Variants in ARL15 observed in about 807,000 individuals in gnomAD.
ARL15 encodes ADP-ribosylation factor-like protein 15.
In ARL15, 19 loss-of-function variants were observed where a neutral mutation model predicts 25.2. The observed-to-expected ratio is 0.75, with a 90% CI of 0.53 to 1.10. The LOEUF (loss-of-function observed/expected upper bound fraction) is 1.10, where lower values mean the gene tolerates loss of function less well. ARL15 is among the 50% of genes least tolerant of loss of function. ARL15 has a pLI of 0.00. For synonymous variants in ARL15, 94 were observed against 86.8 expected (o/e 1.08, Z -0.46); for missense variants, 220 against 246.0 (o/e 0.89, Z 0.71).
chr5:54,099,724 G>A (rs1378610104), intron 4 of ARL15, among the ~76,000 whole-genome samples: 1 of 152,130 alleles, frequency 6.6e-6, no homozygotes, highest in Non-Finnish European at 1.5e-5. Context: ...GGAGGGGGAA[G>A]AAAGCAGGGA....
intron 1 of ARL15, among the ~76,000 whole-genome samples, chr5:54,273,477 A>C (rs1481018010): frequency 6.6e-6 from 1 of 152,200 alleles, no homozygotes; most frequent in Non-Finnish European, 1.5e-5. Context: ...CTCTTCAAAA[A>C]TGTCAAGGAC....
intron 4 of ARL15, among the ~76,000 whole-genome samples, chr5:54,034,661 C>CA (rs537088562): frequency 6.1e-4 from 92 of 150,030 alleles, no homozygotes; most frequent in Non-Finnish European, 5.2e-4. Flanking sequence ...CACTTAAAAA[C>CA]AAAAAAAAAG....
At chr5:54,063,205 G>A (rs192197120) in intron 4 of ARL15, among the ~76,000 whole-genome samples, 45 of 152,312 alleles carry the variant, frequency 3.0e-4, no homozygotes, top group African/African-American at 1.0e-3. Flanking sequence ...CGTGTCTTCC[G>A]AGTACAACTG....
chr5:54,208,373 G>GA (rs1755930996), intron 1 of ARL15, among the ~76,000 whole-genome samples: 1 of 151,954 alleles, frequency 6.6e-6, no homozygotes, highest in East Asian at 1.9e-4. Flanking sequence ...ACAATGAGAT[G>GA]AAAATCTAAT....
rs142920466 is a variant in ARL15 at position 54,194,623 on chromosome 5, C to T, written c.49-22695G>A. On this transcript the variant is annotated intron_variant, in intron 1 of 4. Coordinates refer to ENST00000504924, the MANE Select transcript of ARL15 (RefSeq NM_019087.3). The stretch of plus-strand genomic sequence containing the variant: ...ACCTAATATGAAAAATCTAATCTCA[C>T]CCTAATAAAAATCTTAGACCTGGCA... Among the ~76,000 whole-genome samples the T allele has an allele frequency of 3.5e-4, 54 of 152,216 alleles. No individual in the cohort carries two copies. In the East Asian group the frequency reaches 9.3e-3, roughly 26 times the overall value.
chr5:54,075,963 C>A (rs156382), intron 4 of ARL15, among the ~76,000 whole-genome samples: 76,348 of 151,936 alleles, frequency 0.5, 21,360 homozygotes, highest in Non-Finnish European at 0.62. Context: ...GTCTTTTAAC[C>A]CATTATACTA....
intron 4 of ARL15, among the ~76,000 whole-genome samples, chr5:53,985,335 A>ATT (rs1748258617): frequency 6.6e-6 from 1 of 152,166 alleles, no homozygotes; most frequent in South Asian, 2.1e-4. Flanking sequence ...CATCTTAACC[A>ATT]TTTTTAAGTG....
At chr5:53,904,247 T>C (rs1745167496) in intron 4 of ARL15, among the ~76,000 whole-genome samples, 1 of 152,192 alleles carries the variant, frequency 6.6e-6, no homozygotes, top group Non-Finnish European at 1.5e-5. Flanking sequence ...TCATGACCAG[T>C]GGACACATCA....
intron 1 of ARL15, among the ~76,000 whole-genome samples, chr5:54,237,669 G>A (rs1254766512): frequency 6.6e-6 from 1 of 152,200 alleles, no homozygotes; most frequent in African/African-American, 2.4e-5. Flanking sequence ...CACAGAGAAT[G>A]CAAACTGTGT....
chr5:54,119,127 G>A (rs1364454276), intron 3 of ARL15, among the ~76,000 whole-genome samples: 3 of 152,024 alleles, frequency 2.0e-5, no homozygotes, highest in African/African-American at 7.3e-5. Context: ...ACCTTCCAAC[G>A]GCTCTTTGCA....
Position 53,995,046 on chromosome 5 carries a change from C to T in ARL15, c.463-108333G>A, listed in dbSNP as rs1001311610. 2.5e-4 allele frequency among the ~76,000 whole-genome samples: 38 copies of T among 152,122 alleles called. 1 individual carries two copies. Among genetic ancestry groups the T allele is most frequent in the African/African-American group, 8.7e-4 (36 of 41,436 alleles). On this transcript the variant is annotated intron_variant, in intron 4 of 4. Transcript: ENST00000504924. ...AACTGGGAGGCTGGGCGCGGTGGCT[C>T]ATGCCTGTAATCCCAGCACTTTGGG...
chr5:54,085,510 T>C (rs1292893784), intron 4 of ARL15, among the ~76,000 whole-genome samples: 2 of 152,210 alleles, frequency 1.3e-5, no homozygotes, highest in Non-Finnish European at 2.9e-5. Context: ...TGGCTTCATG[T>C]CACTGAACGT....
intron 4 of ARL15, among the ~76,000 whole-genome samples, chr5:53,978,532 T>C (rs1044048852): frequency 5.5e-5 from 8 of 145,652 alleles, no homozygotes; most frequent in African/African-American, 2.0e-4. Flanking sequence ...ACACCTATAG[T>C]CCTAGAACTT....
At chr5:53,889,788 A>G (rs1206373256) in intron 4 of ARL15, among the ~76,000 whole-genome samples, 4 of 149,540 alleles carry the variant, frequency 2.7e-5, no homozygotes, top group African/African-American at 9.8e-5. Flanking sequence ...GAAGATGAGG[A>G]CTTTATGTTC....
At chr5:54,197,527 C>A (rs1427129084) in intron 1 of ARL15, among the ~76,000 whole-genome samples, 2 of 152,148 alleles carry the variant, frequency 1.3e-5, no homozygotes, top group Non-Finnish European at 2.9e-5. Context: ...AAGATTCAAT[C>A]AGTACTTCCA....
chr5:54,265,634 AT>A (rs1404990991), intron 1 of ARL15, among the ~76,000 whole-genome samples: 1 of 76,458 alleles, frequency 1.3e-5, no homozygotes, highest in African/African-American at 4.6e-5. Flanking sequence ...TCAAATTTAT[AT>A]AAAAAATGTT....
At chr5:54,117,777 T>C (rs1752950481) in intron 3 of ARL15, among the ~76,000 whole-genome samples, 1 of 152,158 alleles carries the variant, frequency 6.6e-6, no homozygotes, top group African/African-American at 2.4e-5. Flanking sequence ...TTGATAGACA[T>C]TTTCTCAAAA....
intron 3 of ARL15, among the ~76,000 whole-genome samples, chr5:54,137,903 G>A (rs1241262092): frequency 6.6e-6 from 1 of 151,644 alleles, no homozygotes; most frequent in Non-Finnish European, 1.5e-5. Context: ...AAGGAAAGTA[G>A]GATGAGGAAA....
intron 1 of ARL15, among the ~76,000 whole-genome samples, chr5:54,276,738 A>C (rs1014905367): frequency 5.9e-5 from 9 of 152,240 alleles, no homozygotes; most frequent in Non-Finnish European, 1.2e-4. Flanking sequence ...ACTTCATCAC[A>C]AGCGTCCTTA....
Sources: allele counts gnomAD v4.1 joint callset (sites outside exome capture counted in the v4.1 genomes callset), GRCh38; gene constraint gnomAD v4.1.1; transcripts MANE v1.5; gene names NCBI Gene and HGNC (gene_info 2026-07-23, HGNC 2026-07-21).